Variants in FAT3 observed in about 807,000 individuals in gnomAD.
FAT3 encodes protocadherin Fat 3.
A neutral mutation model predicts 310.2 loss-of-function variants in FAT3; 95 were observed. The observed-to-expected ratio is 0.31, with a 90% confidence interval of 0.26 to 0.36. FAT3 has a LOEUF of 0.36. Among genes scored for constraint, FAT3 ranks in the 10% least tolerant of loss-of-function variants. The pLI, the probability that FAT3 is intolerant of heterozygous loss-of-function variation, is 1.00. For synonymous variants in FAT3, 2,314 were observed against 2,192.9 expected (o/e 1.06, Z -1.54); for missense variants, 5,408 against 5,715.6 (o/e 0.95, Z 1.74).
intron 3 of FAT3, among the ~76,000 whole-genome samples, chr11:92,629,292 G>A (rs1461067563): frequency 1.3e-5 from 2 of 152,054 alleles, no homozygotes; most frequent in Non-Finnish European, 2.9e-5. Flanking sequence ...AAGGGAAACT[G>A]AAAGAAGAAG....
chr11:92,816,614 A>G (rs1436223204), intron 13 of FAT3, among the ~76,000 whole-genome samples: 1 of 152,212 alleles, frequency 6.6e-6, no homozygotes, highest in Non-Finnish European at 1.5e-5. Flanking sequence ...GAGGTCAGAG[A>G]AGGTGACATC....
intron 6 of FAT3, among the ~76,000 whole-genome samples, chr11:92,768,570 C>G (rs371648044): frequency 1.1e-4 from 17 of 152,156 alleles, no homozygotes; most frequent in African/African-American, 3.9e-4. Context: ...GTTTTAGTCT[C>G]GCTCTCAAGA....
intron 1 of FAT3, among the ~76,000 whole-genome samples, chr11:92,282,558 G>A (rs964796496): frequency 2.0e-5 from 3 of 151,762 alleles, no homozygotes; most frequent in Non-Finnish European, 2.9e-5. Flanking sequence ...CCAGCTACTC[G>A]GGAGGCTGAG....
At chr11:92,370,434 C>G (rs939350482) in intron 2 of FAT3, among the ~76,000 whole-genome samples, 1 of 152,164 alleles carries the variant, frequency 6.6e-6, no homozygotes, top group Non-Finnish European at 1.5e-5. Flanking sequence ...CTCCTTCATG[C>G]GTGTTGGTCC....
intron 2 of FAT3, among the ~76,000 whole-genome samples, chr11:92,359,788 G>C (rs1948833243): frequency 7.0e-6 from 1 of 143,776 alleles, no homozygotes; most frequent in Non-Finnish European, 1.5e-5. Context: ...TTTCATCCAT[G>C]TCCCTACAAA....
intron 2 of FAT3, among the ~76,000 whole-genome samples, chr11:92,365,168 G>A (rs1213296804): frequency 6.6e-6 from 1 of 152,140 alleles, no homozygotes; most frequent in Non-Finnish European, 1.5e-5. Flanking sequence ...TACATGGGAG[G>A]CTGAGGTGGG....
At chr11:92,309,388 A>G (rs1349574999) in intron 1 of FAT3, among the ~76,000 whole-genome samples, 8 of 28,042 alleles carry the variant, frequency 2.9e-4, no homozygotes, top group South Asian at 2.5e-3. Flanking sequence ...ACGCATGCAC[A>G]CACACACACA....
intron 17 of FAT3, 26 bp downstream of exon 17, chr11:92,837,832 C>G: frequency 6.2e-7 from 1 of 1,613,766 alleles, no homozygotes; most frequent in Admixed American, 1.7e-5. Flanking sequence ...CTGCCAAGCA[C>G]TTGTCCCTTT....
At chr11:92,506,044 C>T (rs1343604269) in intron 2 of FAT3, among the ~76,000 whole-genome samples, 3 of 152,130 alleles carry the variant, frequency 2.0e-5, no homozygotes, top group African/African-American at 7.2e-5. Flanking sequence ...TCTGTGGCTA[C>T]AGAGCATGCC....
chr11:92,396,060 G>T (rs1358038342), intron 2 of FAT3, among the ~76,000 whole-genome samples: 1 of 152,138 alleles, frequency 6.6e-6, no homozygotes, highest in Admixed American at 6.5e-5. Flanking sequence ...CATCCAGTCA[G>T]TCATGGGCAC....
chr11:92,429,069 G>A (rs1444217873), intron 2 of FAT3, among the ~76,000 whole-genome samples: 10 of 152,082 alleles, frequency 6.6e-5, no homozygotes. Context: ...CTCCTTTATT[G>A]GATGCGTATA....
chr11:92,796,853 C>T lies in FAT3; in HGVS notation c.4823-983C>T, dbSNP rs116066423. 5.4e-3 allele frequency among the ~76,000 whole-genome samples: 823 copies of T among 152,290 alleles called. 3 individuals carry two copies. Among genetic ancestry groups the T allele is most frequent in the African/African-American group, 0.019 (772 of 41,566 alleles). ...TCTCATTCTCAACAATCCCAGATTT[C>T]GAACCACAACATGTTTCTGAAGCAG... On this transcript the variant is annotated intron_variant, in intron 9 of 27. Transcript: ENST00000525166.
intron 3 of FAT3, among the ~76,000 whole-genome samples, chr11:92,565,159 A>G (rs1405555448): frequency 6.9e-6 from 1 of 143,912 alleles, no homozygotes; most frequent in African/African-American, 2.5e-5. Flanking sequence ...TAAAGAAAAA[A>G]AGAGAGAAGA....
At chr11:92,854,114 G>A (rs1016324561) in intron 19 of FAT3, among the ~76,000 whole-genome samples, 4 of 152,182 alleles carry the variant, frequency 2.6e-5, no homozygotes, top group South Asian at 4.1e-4. Flanking sequence ...TATGCACAAA[G>A]TTGAGATGGG....
In FAT3 at chr11:92,894,939, C is replaced by T. The variant is rs1949997485; in HGVS notation, c.*3826C>T. 1 of 152,210 alleles carries T rather than the reference C, an allele frequency of 6.6e-6. No individual in the cohort carries two copies. The highest frequency in any genetic ancestry group is 2.1e-4 in the South Asian group (1 of 4,828). The allele number at this position is 152,210 out of a possible 1,614,324, so 9.4% of individuals were successfully genotyped here. A position where few individuals can be genotyped will look rare whatever the true frequency, so the allele number is the denominator to read the frequency against. ...TCTCCTACTTACTTCCCACCCCACCCTATCCACTACCCCCACTGATGCTAT... is the reference window on the plus strand; with the variant it reads ...TCTCCTACTTACTTCCCACCCCACCTTATCCACTACCCCCACTGATGCTAT... On this transcript the variant is annotated 3_prime_UTR_variant, in exon 28 of 28. Coordinates refer to ENST00000525166, the MANE Select transcript of FAT3 (RefSeq NM_001367949.2).
intron 3 of FAT3, among the ~76,000 whole-genome samples, chr11:92,606,938 A>G (rs1163704385): frequency 6.6e-6 from 1 of 152,200 alleles, no homozygotes; most frequent in Admixed American, 6.5e-5. Context: ...AATGGTCATT[A>G]CCATGACTCT....
chr11:92,287,922 G>C (rs373647530), intron 1 of FAT3, among the ~76,000 whole-genome samples: 1 of 152,094 alleles, frequency 6.6e-6, no homozygotes, highest in Non-Finnish European at 1.5e-5. Flanking sequence ...GTTTGGAGCC[G>C]TTTTGCAGGC....
chr11:92,546,803 TGAACAGTGGAAA>T (rs1954631370), intron 3 of FAT3, among the ~76,000 whole-genome samples: 1 of 152,174 alleles, frequency 6.6e-6, no homozygotes, highest in Non-Finnish European at 1.5e-5. Flanking sequence ...TGGCCTGCCC[TGAACAGTGGAAA>T]GATGAATAGT....
In FAT3 at chr11:92,706,795, A is replaced by G. The variant is rs145391797; in HGVS notation, c.3669+9350A>G. On this transcript the variant is annotated intron_variant, in intron 4 of 27. Transcript: ENST00000525166. The stretch of plus-strand genomic sequence containing the variant: ...TACCCATCTTTTAAAATGTGCATAT[A>G]AAAATAAATAAGAAATGAGCCTATG... 5.1e-3 allele frequency among the ~76,000 whole-genome samples: 777 copies of G among 152,356 alleles called. 4 individuals are homozygous for G. Among genetic ancestry groups the G allele is most frequent in the Non-Finnish European group, 8.6e-3 (585 of 68,028 alleles).
Sources: allele counts gnomAD v4.1 joint callset (sites outside exome capture counted in the v4.1 genomes callset), GRCh38; gene constraint gnomAD v4.1.1; transcripts MANE v1.5; gene names NCBI Gene and HGNC (gene_info 2026-07-23, HGNC 2026-07-21).